BCL2: variants seen among roughly 807,000 people sequenced by gnomAD.
BCL2 encodes the protein BCL2 apoptosis regulator.
In BCL2, 1 loss-of-function variant was observed where a neutral mutation model predicts 14.2. The observed-to-expected ratio is 0.07, with a 90% confidence interval of 0.02 to 0.33. BCL2 has a LOEUF of 0.33. Among genes scored for constraint, BCL2 ranks in the 10% least tolerant of loss-of-function variants. The probability of loss-of-function intolerance (pLI) is 0.99; values close to 1 mark genes in which losing one functional copy is unlikely to be tolerated. For synonymous variants in BCL2, 151 were observed against 137.2 expected (o/e 1.10, Z -0.70); for missense variants, 247 against 305.9 (o/e 0.81, Z 1.44).
chr18:63,218,644 ATCC>A (rs1910277513), intron 2 of BCL2, among the ~76,000 whole-genome samples: 3 of 66,230 alleles, frequency 4.5e-5, no homozygotes, highest in South Asian at 5.2e-4. Flanking sequence ...CACTCATCCC[ATCC>A]TCCACTCATC....
intron 2 of BCL2, chr18:63,302,589 A>G: frequency 1.0e-6 from 1 of 985,354 alleles, no homozygotes. Flanking sequence ...CAAACCACTT[A>G]AAACATTATT....
rs569106264 is a variant in BCL2 at position 63,138,069 on chromosome 18, G to C, written c.586-9310C>G. Among the ~76,000 whole-genome samples the C allele has an allele frequency of 2.0e-5, 3 of 152,314 alleles. No homozygotes were observed. The South Asian group carries it at 6.2e-4, about 32-fold the overall frequency. Reference sequence around the variant, plus strand: ...AACCGTCAGGTGAGAGAGAACGCCAGGAGAAAGAGAAAGGACATGAAGGAG... The same window carrying C: ...AACCGTCAGGTGAGAGAGAACGCCACGAGAAAGAGAAAGGACATGAAGGAG... On this transcript the variant is annotated intron_variant, in intron 2 of 2. Coordinates refer to ENST00000333681, the MANE Select transcript of BCL2 (RefSeq NM_000633.3).
Position 63,233,217 on chromosome 18 carries a change from T to G in BCL2, c.585+84865A>C, listed in dbSNP as rs1337359225. ...TAGCATCGTATTTGGGATTAGGATTTCAGCATATGAATTTTGCAGGGAAAG... is the reference window on the plus strand; with the variant it reads ...TAGCATCGTATTTGGGATTAGGATTGCAGCATATGAATTTTGCAGGGAAAG... On this transcript the variant is annotated intron_variant, in intron 2 of 2. Coordinates refer to ENST00000333681, the MANE Select transcript of BCL2 (RefSeq NM_000633.3). Among the ~76,000 whole-genome samples the G allele has an allele frequency of 2.6e-5, 4 of 152,336 alleles. No individual in the cohort carries two copies. The East Asian group carries it at 7.7e-4, about 29-fold the overall frequency.
intron 2 of BCL2, among the ~76,000 whole-genome samples, chr18:63,298,748 G>A (rs1377789639): frequency 2.0e-5 from 3 of 152,158 alleles, no homozygotes; most frequent in Admixed American, 6.5e-5. Flanking sequence ...AAAAGGCTGC[G>A]GAGCTGTTAT....
intron 2 of BCL2, among the ~76,000 whole-genome samples, chr18:63,267,938 G>C (rs1911882491): frequency 2.6e-5 from 4 of 151,304 alleles, no homozygotes; most frequent in African/African-American, 9.7e-5. Flanking sequence ...TATAATAAAA[G>C]TCTTTACAAG....
At chr18:63,211,886 G>A (rs1284858873) in intron 2 of BCL2, among the ~76,000 whole-genome samples, 22 of 152,196 alleles carry the variant, frequency 1.4e-4, no homozygotes, top group Admixed American at 1.4e-3. Context: ...GACTGTCCTG[G>A]TCCTGGCACA....
rs1460871571 is a variant in BCL2 at position 63,149,494 on chromosome 18, T to C, written c.586-20735A>G. Among the ~76,000 whole-genome samples the C allele has an allele frequency of 2.0e-5, 3 of 152,232 alleles. No homozygotes were observed. Among genetic ancestry groups the C allele is most frequent in the Admixed American group, 1.3e-4 (2 of 15,282 alleles). ...ACTGTTGGCTGGTGCCAGACGACTT[T>C]CGCTTGTTCTGTCTCTGTTTCTCTT... is the stretch of plus-strand genomic sequence containing the variant. On this transcript the variant is annotated intron_variant, in intron 2 of 2. Coordinates refer to ENST00000333681, the MANE Select transcript of BCL2 (RefSeq NM_000633.3). This position sits in a 1 kb window ranked among gnomAD's most constrained non-coding sequence, Gnocchi z 4.2.
chr18:63,309,670 T>C (rs1462358679), intron 2 of BCL2, among the ~76,000 whole-genome samples: 19 of 152,116 alleles, frequency 1.2e-4, no homozygotes, highest in Non-Finnish European at 1.3e-4. Flanking sequence ...CTGCCTTGTC[T>C]GAGAACCTTT....
At chr18:63,228,287 A>G (rs923851436) in intron 2 of BCL2, among the ~76,000 whole-genome samples, 4 of 152,344 alleles carry the variant, frequency 2.6e-5, no homozygotes, top group Middle Eastern at 3.4e-3. Context: ...GCTTCTGCGT[A>G]TGAATTTTGG....
intron 2 of BCL2, among the ~76,000 whole-genome samples, chr18:63,143,997 A>G (rs1383542303): frequency 6.6e-6 from 1 of 152,230 alleles, no homozygotes; most frequent in African/African-American, 2.4e-5. Flanking sequence ...TGACTCAGAG[A>G]TATGCACACC....
At chr18:63,309,726 T>C (rs1948973805) in intron 2 of BCL2, among the ~76,000 whole-genome samples, 2 of 152,206 alleles carry the variant, frequency 1.3e-5, no homozygotes, top group Non-Finnish European at 2.9e-5. Flanking sequence ...GCAGCCATCC[T>C]TCAGTAACCT....
At chr18:63,308,939 T>C (rs1913224026) in intron 2 of BCL2, among the ~76,000 whole-genome samples, 1 of 152,210 alleles carries the variant, frequency 6.6e-6, no homozygotes. Context: ...GAAGAAATAT[T>C]TTATTAATAA....
intron 2 of BCL2, among the ~76,000 whole-genome samples, chr18:63,294,805 T>C (rs1912755270): frequency 6.6e-6 from 1 of 152,098 alleles, no homozygotes. Context: ...CTAAATCATA[T>C]GAGCAATGTT....
At chr18:63,232,727 C>A (rs746617149) in intron 2 of BCL2, among the ~76,000 whole-genome samples, 7 of 152,250 alleles carry the variant, frequency 4.6e-5, no homozygotes, top group Admixed American at 1.3e-4. Flanking sequence ...CGCCTACCAA[C>A]CTTTATGATG....
chr18:63,162,089 G>T (rs1403985364), intron 2 of BCL2, among the ~76,000 whole-genome samples: 1 of 152,142 alleles, frequency 6.6e-6, no homozygotes, highest in Non-Finnish European at 1.5e-5. Flanking sequence ...GCCAGGGACT[G>T]CCCGCTCCGC....
chr18:63,156,648 G>A (rs1458143270), intron 2 of BCL2, among the ~76,000 whole-genome samples: 9 of 152,178 alleles, frequency 5.9e-5, no homozygotes, highest in East Asian at 1.9e-4. Context: ...TGATGTTTAC[G>A]TAAACAGAAA....
At chr18:63,263,007 T>C (rs1269279687) in intron 2 of BCL2, among the ~76,000 whole-genome samples, 3 of 152,082 alleles carry the variant, frequency 2.0e-5, no homozygotes, top group Non-Finnish European at 2.9e-5. Context: ...AGATTTCAAG[T>C]TGGAGTAAAG....
intron 2 of BCL2, among the ~76,000 whole-genome samples, chr18:63,297,039 T>C (rs2144277021): frequency 6.6e-6 from 1 of 152,198 alleles, no homozygotes; most frequent in African/African-American, 2.4e-5. Flanking sequence ...GGTGAAACCC[T>C]GTCTCTACTA....
At chr18:63,281,491 C>A (rs1032542616) in intron 2 of BCL2, among the ~76,000 whole-genome samples, 2 of 151,762 alleles carry the variant, frequency 1.3e-5, no homozygotes, top group Admixed American at 1.3e-4. Context: ...ACAGTGAGAC[C>A]CCTGTCTCTA....
Sources: gnomAD v4.1 joint callset for allele counts (sites outside exome capture counted in the v4.1 genomes callset) on GRCh38, gnomAD v4.1.1 for gene constraint, Gnocchi (gnomAD v3.1) non-coding constraint, MANE v1.5 for transcripts, NCBI Gene and HGNC (gene_info 2026-07-23, HGNC 2026-07-21) for gene names.